LIN52: variants seen among roughly 807,000 people sequenced by gnomAD.
The protein encoded by LIN52 is protein lin-52 homolog.
LIN52 carries 4 observed loss-of-function variants against 18.5 expected under a neutral mutation model. The ratio of observed to expected loss-of-function variants is 0.22; its 90% CI spans 0.11 to 0.49. The LOEUF (loss-of-function observed/expected upper bound fraction) is 0.49, where lower values mean the gene tolerates loss of function less well. Among genes scored for constraint, LIN52 ranks in the 20% least tolerant of loss-of-function variants. The pLI is 0.97. For missense variants in LIN52, 102 were observed against 139.5 expected, an observed-to-expected ratio of 0.73 and a Z score of 1.35; for synonymous variants, 34 against 45.5, an observed-to-expected ratio of 0.75 and a Z score of 1.02.
At chr14:74,148,503 A>G (rs1188151337) in intron 5 of LIN52, among the ~76,000 whole-genome samples, 1 of 152,146 alleles carries the variant, frequency 6.6e-6, no homozygotes, top group Non-Finnish European at 1.5e-5. Context: ...CAGAAATGAG[A>G]GATTACAGTA....
chr14:74,112,168 C>T (rs1326770960), intron 5 of LIN52, among the ~76,000 whole-genome samples: 1 of 152,248 alleles, frequency 6.6e-6, no homozygotes, highest in Non-Finnish European at 1.5e-5. Context: ...GCATGAGCCA[C>T]AGCACCTGGC....
rs1471595110 is a variant in LIN52, at chr14:74,130,288, T to TG, written c.283+29050_283+29051insG. Among the ~76,000 whole-genome samples, 152 of 131,188 alleles carry TG rather than the reference T, an allele frequency of 1.2e-3. 3 individuals are homozygous for TG. The highest frequency in any genetic ancestry group is 4.5e-3 in the African/African-American group (151 of 33,760). 86.1% of individuals were successfully genotyped at this position (131,188 alleles called of 152,430 possible). On this transcript the variant is annotated intron_variant, in intron 5 of 5. Coordinates refer to ENST00000555028, the MANE Select transcript of LIN52 (RefSeq NM_001024674.3). ...GATAGGCATTTTTTGGTTTTTTTTT[T>TG]TTTTTTTTGAGACAGTCTCGCTCTT...
At chr14:74,177,908 G>A (rs969790672) in intron 5 of LIN52, among the ~76,000 whole-genome samples, 3 of 152,184 alleles carry the variant, frequency 2.0e-5, no homozygotes, top group Admixed American at 1.3e-4. Flanking sequence ...CTCCTGAGTA[G>A]CTGGGATTAC....
chr14:74,094,213 T>C (rs1353205664), intron 2 of LIN52, among the ~76,000 whole-genome samples: 2 of 152,140 alleles, frequency 1.3e-5, no homozygotes, highest in Non-Finnish European at 2.9e-5. Context: ...TTATAGTTTA[T>C]GTATTCATAC....
intron 5 of LIN52, among the ~76,000 whole-genome samples, chr14:74,157,457 A>ATT (rs141924841): frequency 0.34 from 40,241 of 118,924 alleles, 5,847 homozygotes; most frequent in Non-Finnish European, 0.39. Context: ...ATATATATAT[A>ATT]TATTTTTTAA....
At position 74,086,056 on chromosome 14, in the gene LIN52, A is replaced by G. The variant is rs1288231015; in HGVS notation, c.19+1063A>G. Among the ~76,000 whole-genome samples, 3 of 152,000 alleles carry G rather than the reference A, an allele frequency of 2.0e-5. No homozygotes were observed. In the East Asian group the frequency reaches 5.8e-4, roughly 29 times the overall value. On this transcript the variant is annotated intron_variant, in intron 1 of 5. Coordinates refer to ENST00000555028, the MANE Select transcript of LIN52 (RefSeq NM_001024674.3). Reference sequence around the variant, plus strand: ...GTTCTCTTTTTAGATGTCACCTCCCAAAGAGTCTTTCTTAGAACACAGTAT... The same window carrying G: ...GTTCTCTTTTTAGATGTCACCTCCCGAAGAGTCTTTCTTAGAACACAGTAT...
intron 5 of LIN52, among the ~76,000 whole-genome samples, chr14:74,147,426 A>T (rs922083124): frequency 6.6e-6 from 1 of 152,212 alleles, no homozygotes; most frequent in Non-Finnish European, 1.5e-5. Context: ...AGTTTCTTAG[A>T]TATGATACCA....
chr14:74,110,124 G>T (rs1271428118), intron 5 of LIN52, among the ~76,000 whole-genome samples: 2 of 152,138 alleles, frequency 1.3e-5, no homozygotes, highest in Non-Finnish European at 2.9e-5. Flanking sequence ...TTCTAAAAAA[G>T]CTTTGAGGAA....
chr14:74,115,735 G>A (rs1689910314), intron 5 of LIN52, among the ~76,000 whole-genome samples: 1 of 152,064 alleles, frequency 6.6e-6, no homozygotes, highest in African/African-American at 2.4e-5. Flanking sequence ...TTTTCCCTTG[G>A]TTAACAAATT....
chr14:74,187,622 A>G (rs1363535189), intron 5 of LIN52, among the ~76,000 whole-genome samples: 1 of 152,204 alleles, frequency 6.6e-6, no homozygotes. Context: ...AGGTATTTCT[A>G]GCCTTTTCAA....
At chr14:74,183,350 C>G (rs986684310) in intron 5 of LIN52, among the ~76,000 whole-genome samples, 2 of 152,056 alleles carry the variant, frequency 1.3e-5, no homozygotes, top group Non-Finnish European at 2.9e-5. Flanking sequence ...CTGCCTGCCT[C>G]GGCCTCCCAA....
rs573188668 is a variant in LIN52 at position 74,103,733 on chromosome 14, GTTTTT to G, written c.283+2527_283+2531del. On this transcript the variant is annotated intron_variant, in intron 5 of 5. Coordinates refer to ENST00000555028, the MANE Select transcript of LIN52 (RefSeq NM_001024674.3). The stretch of plus-strand genomic sequence containing the variant: ...AGGTGTGAGCCACCGGGCCTGGCCA[GTTTTT>G]TTTTTTTTTTTTTTTTTTTTTTTTT... 3.4e-3 allele frequency among the ~76,000 whole-genome samples: 156 copies of G among 46,002 alleles called. 2 individuals are homozygous for G. The highest frequency in any genetic ancestry group is 6.1e-3 in the East Asian group (6 of 986). 30.2% of individuals were successfully genotyped at this position (46,002 alleles called of 152,430 possible). A position where few individuals can be genotyped will look rare whatever the true frequency, so the allele number is the denominator to read the frequency against.
At chr14:74,093,671 A>G (rs933656902) in intron 2 of LIN52, among the ~76,000 whole-genome samples, 2 of 152,140 alleles carry the variant, frequency 1.3e-5, no homozygotes, top group Non-Finnish European at 2.9e-5. Context: ...ATCCTTGTAA[A>G]AGGTACAACT....
At chr14:74,173,647 T>C (rs1000651243) in intron 5 of LIN52, among the ~76,000 whole-genome samples, 1 of 152,222 alleles carries the variant, frequency 6.6e-6, no homozygotes, top group Admixed American at 6.5e-5. Flanking sequence ...GCATGAGTGG[T>C]TAAACAAAAG....
intron 5 of LIN52, among the ~76,000 whole-genome samples, chr14:74,116,192 A>G (rs12323919): frequency 0.019 from 2,829 of 152,252 alleles, 56 homozygotes; most frequent in African/African-American, 0.05. Context: ...GGTCTCAGCT[A>G]CTGGGGAGAC....
intron 5 of LIN52, among the ~76,000 whole-genome samples, chr14:74,195,146 C>CA (rs994956709): frequency 4.0e-5 from 6 of 149,878 alleles, no homozygotes; most frequent in Admixed American, 1.3e-4. Flanking sequence ...GACTCTGTTT[C>CA]AAAAAAAAAG....
chr14:74,125,375 A>G (rs1321296596), intron 5 of LIN52, among the ~76,000 whole-genome samples: 4 of 152,172 alleles, frequency 2.6e-5, no homozygotes, highest in Non-Finnish European at 5.9e-5. Context: ...AGTGATGATG[A>G]GCATTTTTTC....
intron 5 of LIN52, among the ~76,000 whole-genome samples, chr14:74,160,186 G>A (rs1389282620): frequency 6.6e-6 from 1 of 152,166 alleles, no homozygotes; most frequent in African/African-American, 2.4e-5. Flanking sequence ...TTTGGACATG[G>A]AGACAGACAT....
Position 74,149,910 on chromosome 14 carries a change from G to A in LIN52, c.283+48672G>A, listed in dbSNP as rs1434938261. ...GTCCTCAAGGGGGACCAAGAGTCTG[G>A]AAAGGTCTTGTGTTACCATCTTAGC... On this transcript the variant is annotated intron_variant, in intron 5 of 5. Coordinates refer to ENST00000555028, the MANE Select transcript of LIN52 (RefSeq NM_001024674.3). Among the ~76,000 whole-genome samples, 6 of 152,196 alleles carry A rather than the reference G, an allele frequency of 3.9e-5. No individual in the cohort carries two copies. The East Asian group carries it at 1.2e-3, about 29-fold the overall frequency.
Sources: gnomAD v4.1 joint callset for allele counts (sites outside exome capture counted in the v4.1 genomes callset) on GRCh38, gnomAD v4.1.1 for gene constraint, MANE v1.5 for transcripts, NCBI Gene and HGNC (gene_info 2026-07-23, HGNC 2026-07-21) for gene names.